Variants in PLPP1 observed in about 807,000 individuals in gnomAD.
PLPP1 encodes the protein lipid phosphate phosphohydrolase 1a.
A neutral mutation model predicts 31.2 loss-of-function variants in PLPP1; 24 were observed. The observed-to-expected ratio is 0.77, with a 90% CI of 0.56 to 1.08. The LOEUF is 1.08. Ranked by LOEUF, PLPP1 falls within the 50% of genes least tolerant of loss-of-function variation. The probability of loss-of-function intolerance (pLI) is 0.00; values close to 1 mark genes in which losing one functional copy is unlikely to be tolerated. For synonymous variants in PLPP1, 146 were observed against 126.3 expected, an observed-to-expected ratio of 1.16 and a Z score of -1.05; for missense variants, 319 against 342.7, an observed-to-expected ratio of 0.93 and a Z score of 0.55.
chr5:55,533,330 C>T (rs970035651), intron 1 of PLPP1, among the ~76,000 whole-genome samples: 1 of 151,328 alleles, frequency 6.6e-6, no homozygotes, highest in African/African-American at 2.4e-5. Context: ...CTGCAGTGAG[C>T]CGAGATCCCG....
Position 55,426,048 on chromosome 5 carries a change from AAAG to A in PLPP1, c.550-12_550-10del. 3.8e-6 allele frequency: 6 copies of A among 1,568,684 alleles called. No individual in the cohort carries two copies. The highest frequency in any genetic ancestry group is 5.2e-6 in the Non-Finnish European group (6 of 1,164,256). The stretch of plus-strand genomic sequence containing the variant: ...CTGGCTTGAAGATAAAGCTAAAAGA[AAAG>A]AATAAAGAAAAAAATAGTTTATTTA... On this transcript the variant is annotated splice_polypyrimidine_tract_variant and intron_variant, in intron 4 of 5. Transcript: ENST00000307259.
chr5:55,425,024 C>A lies in PLPP1; in HGVS notation c.*182G>T, dbSNP rs1751133776. On this transcript the variant is annotated 3_prime_UTR_variant, in exon 6 of 6. Coordinates refer to ENST00000307259, the MANE Select transcript of PLPP1 (RefSeq NM_003711.4). ...TGGAGTTTTTTTAATGAGTTTAGAGCTATTAGATAACCACTGAGTTAAAGG... is the reference window on the plus strand; with the variant it reads ...TGGAGTTTTTTTAATGAGTTTAGAGATATTAGATAACCACTGAGTTAAAGG... 17 of 832,806 alleles carry A rather than the reference C, an allele frequency of 2.0e-5. No individual in the cohort carries two copies. The South Asian group carries it at 2.6e-4, about 13-fold the overall frequency. 51.6% of individuals were successfully genotyped at this position (832,806 alleles called of 1,614,324 possible).
intron 3 of PLPP1, among the ~76,000 whole-genome samples, chr5:55,455,354 C>T (rs754306136): frequency 6.6e-5 from 10 of 152,134 alleles, no homozygotes; most frequent in Non-Finnish European, 1.5e-4. Context: ...CACTGTAGGA[C>T]ACCGAGGCAG....
intron 3 of PLPP1, among the ~76,000 whole-genome samples, chr5:55,462,328 T>C (rs1031180246): frequency 8.5e-5 from 13 of 152,202 alleles, no homozygotes; most frequent in African/African-American, 2.7e-4. Flanking sequence ...TGTCCAGAAA[T>C]AGACCCACAT....
At chr5:55,457,657 A>C (rs1035532837) in intron 3 of PLPP1, among the ~76,000 whole-genome samples, 1 of 152,150 alleles carries the variant, frequency 6.6e-6, no homozygotes, top group African/African-American at 2.4e-5. Context: ...CTGGGAGGCC[A>C]AGGTGGGCAG....
intron 2 of PLPP1, among the ~76,000 whole-genome samples, chr5:55,472,830 ATT>A (rs1752451776): frequency 6.6e-6 from 1 of 152,220 alleles, no homozygotes; most frequent in Admixed American, 6.5e-5. Context: ...ATGAAATATA[ATT>A]CATGAGTTTT....
At chr5:55,468,506 A>C (rs1043968599) in intron 2 of PLPP1, among the ~76,000 whole-genome samples, 2 of 152,210 alleles carry the variant, frequency 1.3e-5, no homozygotes, top group East Asian at 3.8e-4. Flanking sequence ...GGCTTGTCCA[A>C]AAAACAAACT....
intron 1 of PLPP1, among the ~76,000 whole-genome samples, chr5:55,490,806 C>G (rs1018692191): frequency 6.6e-6 from 1 of 152,156 alleles, no homozygotes; most frequent in African/African-American, 2.4e-5. Context: ...AACACTGCCT[C>G]TGGACTAAAA....
rs1311754522 is a variant in PLPP1, at chr5:55,425,066, A to C, written c.*140T>G. On this transcript the variant is annotated 3_prime_UTR_variant, in exon 6 of 6. Coordinates refer to ENST00000307259, the MANE Select transcript of PLPP1 (RefSeq NM_003711.4). Reference sequence around the variant, plus strand: ...AGTTAAAGGTAACTATGTACACACAAAGTGTGCATCCAAGAGGCATAGCAG... The same window carrying C: ...AGTTAAAGGTAACTATGTACACACACAGTGTGCATCCAAGAGGCATAGCAG... 4.4e-6 allele frequency: 5 copies of C among 1,144,208 alleles called. No homozygotes were observed. Among genetic ancestry groups the C allele is most frequent in the Non-Finnish European group, 6.2e-6 (5 of 807,896 alleles). The allele number at this position is 1,144,208 out of a possible 1,614,324, so 70.9% of individuals were successfully genotyped here. A position where few individuals can be genotyped will look rare whatever the true frequency, so the allele number is the denominator to read the frequency against.
chr5:55,470,037 G>A (rs530103155), intron 2 of PLPP1, among the ~76,000 whole-genome samples: 1 of 152,316 alleles, frequency 6.6e-6, no homozygotes, highest in African/African-American at 2.4e-5. Flanking sequence ...TAACATGAAT[G>A]AATTAGTCAG....
intron 1 of PLPP1, among the ~76,000 whole-genome samples, chr5:55,521,726 C>A (rs996024153): frequency 6.6e-6 from 1 of 152,022 alleles, no homozygotes; most frequent in African/African-American, 2.4e-5. Context: ...TAGTAAAAAT[C>A]CATGGGTTAT....
intron 4 of PLPP1, among the ~76,000 whole-genome samples, chr5:55,427,150 TC>T (rs1466157471): frequency 6.6e-6 from 1 of 152,024 alleles, no homozygotes; most frequent in Non-Finnish European, 1.5e-5. Flanking sequence ...TTTATAACAT[TC>T]CCTTTAAAAT....
intron 3 of PLPP1, 80 bp downstream of exon 3, chr5:55,467,789 G>C: frequency 7.1e-7 from 1 of 1,407,484 alleles, no homozygotes. Flanking sequence ...TTTTAAGTGC[G>C]TGGCTTATCT....
At chr5:55,486,098 G>A (rs2111838673) in intron 1 of PLPP1, among the ~76,000 whole-genome samples, 1 of 152,242 alleles carries the variant, frequency 6.6e-6, no homozygotes, top group South Asian at 2.1e-4. Flanking sequence ...CTTTGCTACT[G>A]TGACAGGCCA....
chr5:55,429,087 CTG>C (rs1561219143), intron 4 of PLPP1, among the ~76,000 whole-genome samples: 1 of 152,116 alleles, frequency 6.6e-6, no homozygotes, highest in Non-Finnish European at 1.5e-5. Context: ...TATTTTGTCT[CTG>C]GAATTTATAC....
At chr5:55,530,331 G>A (rs1740615719) in intron 1 of PLPP1, 13 of 1,426,230 alleles carry the variant, frequency 9.1e-6, no homozygotes, top group Non-Finnish European at 1.3e-5. Context: ...AATAGGACAT[G>A]TCACAGGAAC....
At chr5:55,443,535 A>G (rs1283219500) in intron 3 of PLPP1, among the ~76,000 whole-genome samples, 2 of 152,194 alleles carry the variant, frequency 1.3e-5, no homozygotes, top group Non-Finnish European at 2.9e-5. Flanking sequence ...GCCAATTTCA[A>G]GGATTGTCAA....
At chr5:55,426,085 C>T (rs1223522087) in intron 4 of PLPP1, 46 bp from the exon 5 acceptor site, 6 of 1,474,040 alleles carry the variant, frequency 4.1e-6, no homozygotes, top group African/African-American at 1.4e-5. Flanking sequence ...TAACATAACG[C>T]AAAACTTTTA....
At position 55,492,405 on chromosome 5, in the gene PLPP1, C is replaced by CCATA. The variant is rs1362373462; in HGVS notation, c.59-16959_59-16956dup. Among the ~76,000 whole-genome samples, 3 of 151,668 alleles carry CCATA rather than the reference C, an allele frequency of 2.0e-5. No homozygotes were observed. The East Asian group carries it at 5.8e-4, about 29-fold the overall frequency. On this transcript the variant is annotated intron_variant, in intron 1 of 5. Coordinates refer to ENST00000307259, the MANE Select transcript of PLPP1 (RefSeq NM_003711.4). ...TTGCATGTAAAGTTAAGAAGAAATACCATAAAAGGCAGAAATATGCCATAA... is the reference window on the plus strand; with the variant it reads ...TTGCATGTAAAGTTAAGAAGAAATACCATACATAAAAGGCAGAAATATGCCATAA...
Sources: gnomAD v4.1 joint callset for allele counts (sites outside exome capture counted in the v4.1 genomes callset) on GRCh38, gnomAD v4.1.1 for gene constraint, MANE v1.5 for transcripts, NCBI Gene and HGNC (gene_info 2026-07-23, HGNC 2026-07-21) for gene names.